HIVEP3: variants seen among roughly 807,000 people sequenced by gnomAD.
HIVEP3 encodes transcription factor HIVEP3.
Under a neutral mutation model 152.8 loss-of-function variants are expected in HIVEP3, and 49 were observed. That is an observed-to-expected ratio of 0.32 (90% confidence interval 0.26 to 0.41). The LOEUF is 0.41. Ranked by LOEUF, HIVEP3 falls within the 10% of genes least tolerant of loss-of-function variation. The probability of loss-of-function intolerance (pLI) is 1.00; values close to 1 mark genes in which losing one functional copy is unlikely to be tolerated. For missense variants in HIVEP3, 2,790 were observed against 3,103.3 expected, an observed-to-expected ratio of 0.90 and a Z score of 2.40; for synonymous variants, 1,269 against 1,289.0, an observed-to-expected ratio of 0.98 and a Z score of 0.33.
chr1:41,847,550 A>G (rs909592312), intron 1 of HIVEP3: 6 of 152,272 alleles, frequency 3.9e-5, no homozygotes, highest in African/African-American at 1.2e-4. Context: ...CTACACTTCC[A>G]AAGTTTTTGT....
At chr1:41,880,513 C>T (rs1245406867) in intron 1 of HIVEP3, among the ~76,000 whole-genome samples, 1 of 152,212 alleles carries the variant, frequency 6.6e-6, no homozygotes, top group Non-Finnish European at 1.5e-5. Flanking sequence ...AGATACACCA[C>T]GTTTGTACAC....
chr1:41,672,153 T>C (rs569091154), intron 2 of HIVEP3, among the ~76,000 whole-genome samples: 1 of 152,304 alleles, frequency 6.6e-6, no homozygotes, highest in Middle Eastern at 3.4e-3. Context: ...GGAGAGCCAC[T>C]TTCCCTGTTG....
intron 1 of HIVEP3, among the ~76,000 whole-genome samples, chr1:41,992,994 T>C (rs377161253): frequency 6.9e-6 from 1 of 145,236 alleles, no homozygotes; most frequent in African/African-American, 2.6e-5. Flanking sequence ...ATACAAAAAT[T>C]AATTCAAGAT....
intron 3 of HIVEP3, 44 bp downstream of exon 3, chr1:41,628,705 A>G: frequency 8.3e-7 from 1 of 1,208,344 alleles, no homozygotes; most frequent in East Asian, 3.2e-5. Flanking sequence ...ACAGACCAAC[A>G]TGGCGCCTGG....
At chr1:41,796,963 C>T (rs2124306714) in intron 1 of HIVEP3, among the ~76,000 whole-genome samples, 1 of 152,312 alleles carries the variant, frequency 6.6e-6, no homozygotes, top group Admixed American at 6.5e-5. Context: ...CCAGAAGCTA[C>T]ATTGTGAAAC....
chr1:41,774,378 C>T (rs932579362), intron 1 of HIVEP3, among the ~76,000 whole-genome samples: 4 of 152,164 alleles, frequency 2.6e-5, no homozygotes, highest in Admixed American at 1.3e-4. Flanking sequence ...AGAAAGAATG[C>T]TTTGAAAATT....
At position 41,569,377 on chromosome 1, in the gene HIVEP3, G is replaced by C. The variant is rs140939132; in HGVS notation, c.5207+6167C>G. The stretch of plus-strand genomic sequence containing the variant: ...TGGTATGTGGTTTTGCTACTGTTTA[G>C]GTTCTTAGAGTGGCTTACTGACTTT... On this transcript the variant is annotated intron_variant, in intron 5 of 8. Coordinates refer to ENST00000372583, the MANE Select transcript of HIVEP3 (RefSeq NM_024503.5). 9.5e-3 allele frequency among the ~76,000 whole-genome samples: 1,446 copies of C among 152,204 alleles called. 23 individuals carry two copies. The highest frequency in any genetic ancestry group is 0.033 in the African/African-American group (1,364 of 41,546).
intron 1 of HIVEP3, among the ~76,000 whole-genome samples, chr1:41,805,509 G>A (rs1650551476): frequency 6.6e-6 from 1 of 152,214 alleles, no homozygotes; most frequent in Admixed American, 6.5e-5. Context: ...GGGTTCAAAT[G>A]GCCTTGGGCA....
intron 1 of HIVEP3, among the ~76,000 whole-genome samples, chr1:41,906,376 C>T (rs76243778): frequency 0.011 from 1,438 of 128,330 alleles, 21 homozygotes; most frequent in African/African-American, 0.04. Flanking sequence ...TAATGAATTG[C>T]TGATCTACAC....
intron 2 of HIVEP3, among the ~76,000 whole-genome samples, chr1:41,661,067 T>G (rs1263760303): frequency 1.3e-5 from 2 of 152,226 alleles, no homozygotes; most frequent in Non-Finnish European, 2.9e-5. Flanking sequence ...CACAAGGCTT[T>G]ACATCTACAA....
At chr1:41,774,219 C>T (rs547538957) in intron 1 of HIVEP3, among the ~76,000 whole-genome samples, 1 of 152,324 alleles carries the variant, frequency 6.6e-6, no homozygotes, top group African/African-American at 2.4e-5. Flanking sequence ...CTGCCAAGGT[C>T]CCTGAATAGG....
At chr1:41,537,724 G>C (rs1227140054) in intron 5 of HIVEP3, among the ~76,000 whole-genome samples, 4 of 152,196 alleles carry the variant, frequency 2.6e-5, no homozygotes, top group African/African-American at 9.7e-5. Context: ...AGTTCACACT[G>C]GTTTCTGGGT....
chr1:41,610,741 C>T (rs1644885583), intron 3 of HIVEP3, among the ~76,000 whole-genome samples: 1 of 152,164 alleles, frequency 6.6e-6, no homozygotes, highest in Non-Finnish European at 1.5e-5. Flanking sequence ...ATTCCGAGCG[C>T]AATTTCTTGT....
At chr1:41,950,263 C>A (rs1382878989) in intron 1 of HIVEP3, among the ~76,000 whole-genome samples, 1 of 152,188 alleles carries the variant, frequency 6.6e-6, no homozygotes, top group Non-Finnish European at 1.5e-5. Context: ...TGGGTCCCCT[C>A]CCTTTGTATG....
At chr1:41,626,782 G>A (rs561490528) in intron 3 of HIVEP3, among the ~76,000 whole-genome samples, 2 of 152,270 alleles carry the variant, frequency 1.3e-5, no homozygotes, top group East Asian at 3.9e-4. Flanking sequence ...ATTACAGCAT[G>A]ATCGATTCCT....
chr1:41,792,455 G>T (rs998686556), intron 1 of HIVEP3, among the ~76,000 whole-genome samples: 8 of 152,232 alleles, frequency 5.3e-5, no homozygotes, highest in African/African-American at 1.7e-4. Flanking sequence ...TGGTGGTGCT[G>T]CCTGTCACCA....
chr1:41,787,858 G>A (rs1649454980), intron 1 of HIVEP3, among the ~76,000 whole-genome samples: 1 of 152,134 alleles, frequency 6.6e-6, no homozygotes, highest in Admixed American at 6.5e-5. Context: ...TCAAGGGGGA[G>A]GGAATTTTAG....
chr1:41,640,982 C>T (rs1645363519), intron 2 of HIVEP3, among the ~76,000 whole-genome samples: 1 of 152,234 alleles, frequency 6.6e-6, no homozygotes, highest in East Asian at 1.9e-4. Context: ...ACCTCTGAAA[C>T]AAGAGCAAGA....
At chr1:41,557,233 A>C (rs967404763) in intron 5 of HIVEP3, among the ~76,000 whole-genome samples, 3 of 152,224 alleles carry the variant, frequency 2.0e-5, no homozygotes, top group Non-Finnish European at 4.4e-5. Context: ...TGTGCTAGGT[A>C]TTAGGGACCA....
Sources: gnomAD v4.1 joint callset for allele counts (sites outside exome capture counted in the v4.1 genomes callset) on GRCh38, gnomAD v4.1.1 for gene constraint, MANE v1.5 for transcripts, NCBI Gene and HGNC (gene_info 2026-07-23, HGNC 2026-07-21) for gene names.